The following ARHGAP26 variants were observed in gnomAD, a reference collection of about 807,000 sequenced individuals.
The protein encoded by ARHGAP26 is Rho GTPase activating protein 26, also known as rho GTPase-activating protein 26.
A neutral mutation model predicts 104.8 loss-of-function variants in ARHGAP26; 38 were observed. The ratio of observed to expected loss-of-function variants is 0.36; its 90% CI spans 0.28 to 0.48. The LOEUF (loss-of-function observed/expected upper bound fraction) is 0.48, where lower values mean the gene tolerates loss of function less well. Ranked by LOEUF, ARHGAP26 falls within the 20% of genes least tolerant of loss-of-function variation. The pLI, the probability that ARHGAP26 is intolerant of heterozygous loss-of-function variation, is 0.99. For synonymous variants in ARHGAP26, 341 were observed against 340.0 expected, an observed-to-expected ratio of 1.00 and a Z score of -0.03; for missense variants, 704 against 947.9, an observed-to-expected ratio of 0.74 and a Z score of 3.38.
At chr5:143,206,112 T>C (rs1234139827) in intron 20 of ARHGAP26, among the ~76,000 whole-genome samples, 1 of 152,190 alleles carries the variant, frequency 6.6e-6, no homozygotes, top group Non-Finnish European at 1.5e-5. Flanking sequence ...TCCCAGTAAG[T>C]AGGACATTTG....
intron 17 of ARHGAP26, among the ~76,000 whole-genome samples, chr5:143,064,189 C>T (rs1044521746): frequency 2.6e-5 from 4 of 152,066 alleles, no homozygotes; most frequent in African/African-American, 9.7e-5. Flanking sequence ...GTGCCTTCTC[C>T]AGTTTGCCTT....
chr5:142,876,131 G>A (rs1756051804), intron 3 of ARHGAP26, among the ~76,000 whole-genome samples: 1 of 152,170 alleles, frequency 6.6e-6, no homozygotes, highest in Non-Finnish European at 1.5e-5. Flanking sequence ...CCTAAGATAT[G>A]AGGAATGAAG....
intron 11 of ARHGAP26, among the ~76,000 whole-genome samples, chr5:142,936,824 A>G (rs550346836): frequency 2.0e-4 from 23 of 112,582 alleles, no homozygotes; most frequent in African/African-American, 1.1e-3. Flanking sequence ...CATCCATAGG[A>G]AAAAAAAAAA....
intron 14 of ARHGAP26, among the ~76,000 whole-genome samples, chr5:143,042,161 A>T (rs1256991490): frequency 1.3e-5 from 2 of 152,084 alleles, no homozygotes; most frequent in Non-Finnish European, 2.9e-5. Context: ...TCCAAGTGGC[A>T]CTCAGTCACT....
chr5:143,184,060 G>T (rs2151206584), intron 20 of ARHGAP26, among the ~76,000 whole-genome samples: 1 of 152,288 alleles, frequency 6.6e-6, no homozygotes, highest in South Asian at 2.1e-4. Flanking sequence ...AAAGTTTCAT[G>T]GGGGAAAGGG....
intron 20 of ARHGAP26, among the ~76,000 whole-genome samples, chr5:143,155,299 C>T (rs1019645783): frequency 6.6e-6 from 1 of 152,196 alleles, no homozygotes; most frequent in Non-Finnish European, 1.5e-5. Context: ...GAGGCCACAG[C>T]TCTGCCCTGT....
chr5:142,981,107 A>G (rs368796219), intron 11 of ARHGAP26, among the ~76,000 whole-genome samples: 8 of 152,222 alleles, frequency 5.3e-5, no homozygotes, highest in East Asian at 1.9e-4. Flanking sequence ...ATGAACATCA[A>G]AAGTCATCAT....
At chr5:142,956,526 A>G (rs564916629) in intron 11 of ARHGAP26, among the ~76,000 whole-genome samples, 36 of 152,282 alleles carry the variant, frequency 2.4e-4, no homozygotes, top group African/African-American at 7.5e-4. Context: ...GCAGCGAGCT[A>G]TGATTGCACC....
intron 1 of ARHGAP26, among the ~76,000 whole-genome samples, chr5:142,788,700 T>TGGGA (rs1378719458): frequency 1.3e-5 from 2 of 152,212 alleles, no homozygotes; most frequent in Non-Finnish European, 1.5e-5. Context: ...TTAAAATATG[T>TGGGA]GGGAGGATGT....
At chr5:142,911,240 C>G (rs1298382800) in intron 9 of ARHGAP26, among the ~76,000 whole-genome samples, 1 of 152,168 alleles carries the variant, frequency 6.6e-6, no homozygotes, top group African/African-American at 2.4e-5. Context: ...TCCTGCTGCT[C>G]TCAGGATACA....
chr5:142,849,759 G>A (rs1037833721), intron 1 of ARHGAP26, among the ~76,000 whole-genome samples: 1 of 152,204 alleles, frequency 6.6e-6, no homozygotes, highest in African/African-American at 2.4e-5. Context: ...TAATCTGTAT[G>A]CATTGCTGGT....
At chr5:142,781,137 T>TG (rs1217533886) in intron 1 of ARHGAP26, among the ~76,000 whole-genome samples, 6 of 152,182 alleles carry the variant, frequency 3.9e-5, no homozygotes, top group Non-Finnish European at 8.8e-5. Context: ...AAAGGGCCTC[T>TG]GGGGGAGGGA....
chr5:143,197,268 T>G (rs72800001), intron 20 of ARHGAP26, among the ~76,000 whole-genome samples: 3 of 152,154 alleles, frequency 2.0e-5, no homozygotes, highest in African/African-American at 7.2e-5. Flanking sequence ...GAATGGTATC[T>G]TCACCTTTGC....
chr5:142,895,478 C>T (rs1759341782), intron 6 of ARHGAP26, among the ~76,000 whole-genome samples: 1 of 152,156 alleles, frequency 6.6e-6, no homozygotes, highest in Non-Finnish European at 1.5e-5. Flanking sequence ...GATCCGCCCG[C>T]CTCGGCCTCC....
Position 143,225,808 on chromosome 5 carries a change from G to A in ARHGAP26, c.*3362G>A, listed in dbSNP as rs920390119. ...CTCCCCAGCTTCCCTGTGGCTGTGC[G>A]GTGCCCTTGACAGATGGCTTCTCTG... is the stretch of plus-strand genomic sequence containing the variant. On this transcript the variant is annotated 3_prime_UTR_variant, in exon 23 of 23. Coordinates refer to ENST00000645722, the MANE Select transcript of ARHGAP26 (RefSeq NM_001135608.3). 9 of 229,616 alleles carry A rather than the reference G, an allele frequency of 3.9e-5. No individual in the cohort carries two copies. Among genetic ancestry groups the A allele is most frequent in the East Asian group, 1.2e-4 (2 of 16,150 alleles). 14.2% of individuals were successfully genotyped at this position (229,616 alleles called of 1,614,324 possible).
Position 143,224,305 on chromosome 5 carries a change from AAG to A in ARHGAP26, c.*1863_*1864del, listed in dbSNP as rs1408051608. On this transcript the variant is annotated 3_prime_UTR_variant, in exon 23 of 23. Transcript: ENST00000645722. Reference sequence around the variant, plus strand: ...ACTGTCCCCGCTTCGGCCTGAAGGAAAGAGAAGACATTTCTATGGCCTTGCTC... The same window carrying A: ...ACTGTCCCCGCTTCGGCCTGAAGGAAAGAAGACATTTCTATGGCCTTGCTC... 2 of 231,894 alleles carry A rather than the reference AAG, an allele frequency of 8.6e-6. No individual in the cohort carries two copies. Among genetic ancestry groups the A allele is most frequent in the Non-Finnish European group, 8.5e-6 (1 of 116,988 alleles). 14.4% of individuals were successfully genotyped at this position (231,894 alleles called of 1,614,324 possible). A position where few individuals can be genotyped will look rare whatever the true frequency, so the allele number is the denominator to read the frequency against.
chr5:142,771,394 G>A, intron 1 of ARHGAP26: 1 of 1,231,992 alleles, frequency 8.1e-7, no homozygotes, highest in Non-Finnish European at 1.0e-6. Flanking sequence ...TGACTGCTTC[G>A]CTCCCTGTAC....
At chr5:143,182,166 A>G (rs258771) in intron 20 of ARHGAP26, among the ~76,000 whole-genome samples, 105,498 of 152,056 alleles carry the variant, frequency 0.69, 38,376 homozygotes, top group African/African-American at 0.91. Flanking sequence ...TTTCCCTAAT[A>G]GTAGTAAGAG....
At chr5:142,973,741 C>A (rs1057151444) in intron 11 of ARHGAP26, among the ~76,000 whole-genome samples, 4 of 152,158 alleles carry the variant, frequency 2.6e-5, no homozygotes, top group African/African-American at 7.2e-5. Context: ...CATTTCTTTT[C>A]TCTCCCTCCT....
Sources: allele counts gnomAD v4.1 joint callset (sites outside exome capture counted in the v4.1 genomes callset), GRCh38; gene constraint gnomAD v4.1.1; transcripts MANE v1.5; gene names NCBI Gene and HGNC (gene_info 2026-07-23, HGNC 2026-07-21).